Variants in EPB41L3 observed in about 807,000 individuals in gnomAD.
EPB41L3 encodes the protein band 4.1-like protein 3.
A neutral mutation model predicts 127.1 loss-of-function variants in EPB41L3; 57 were observed. That is an observed-to-expected ratio of 0.45 (90% CI 0.36 to 0.56). The LOEUF (loss-of-function observed/expected upper bound fraction) is 0.56, where lower values mean the gene tolerates loss of function less well. EPB41L3 is among the 20% of genes least tolerant of loss of function. The probability of loss-of-function intolerance (pLI) is 0.00; values close to 1 mark genes in which losing one functional copy is unlikely to be tolerated. For synonymous variants in EPB41L3, 572 were observed against 549.5 expected, an observed-to-expected ratio of 1.04 and a Z score of -0.57; for missense variants, 1,273 against 1,372.2, an observed-to-expected ratio of 0.93 and a Z score of 1.14.
At chr18:5,442,538 G>A (rs915886394) in intron 5 of EPB41L3, among the ~76,000 whole-genome samples, 2 of 152,050 alleles carry the variant, frequency 1.3e-5, no homozygotes, top group East Asian at 3.9e-4. Context: ...GATAGCTCAC[G>A]ACTTTCAAAG....
At position 5,451,988 on chromosome 18, in the gene EPB41L3, G is replaced by A. The variant is rs575226651; in HGVS notation, c.382-6744C>T. 2.3e-4 allele frequency among the ~76,000 whole-genome samples: 35 copies of A among 152,148 alleles called. 1 individual carries two copies. Among genetic ancestry groups the A allele is most frequent in the African/African-American group, 7.5e-4 (31 of 41,510 alleles). ...CAAGTAGCTGGGATTACACCTGCCCGCCACCACGTCTAGCTAATTTTTGTA... is the reference window on the plus strand; with the variant it reads ...CAAGTAGCTGGGATTACACCTGCCCACCACCACGTCTAGCTAATTTTTGTA... On this transcript the variant is annotated intron_variant, in intron 3 of 22. Coordinates refer to ENST00000341928, the MANE Select transcript of EPB41L3 (RefSeq NM_012307.5).
At chr18:5,453,473 C>A (rs531918812) in intron 3 of EPB41L3, among the ~76,000 whole-genome samples, 1 of 152,012 alleles carries the variant, frequency 6.6e-6, no homozygotes, top group East Asian at 1.9e-4. Flanking sequence ...TAGACAATAA[C>A]GTTGAAAAAT....
chr18:5,479,279 G>A (rs750079588), intron 2 of EPB41L3, among the ~76,000 whole-genome samples: 6 of 152,132 alleles, frequency 3.9e-5, no homozygotes, highest in Admixed American at 2.6e-4. Flanking sequence ...CTTGGGCTGC[G>A]CCACCACTGC....
chr18:5,575,283 T>C (rs1018796469), intron 3 of EPB41L3, among the ~76,000 whole-genome samples: 6 of 152,028 alleles, frequency 3.9e-5, no homozygotes, highest in Non-Finnish European at 7.4e-5. Context: ...AGATCTCAGG[T>C]TGAAATGTGA....
At chr18:5,593,592 T>C (rs1037714130) in intron 3 of EPB41L3, among the ~76,000 whole-genome samples, 1 of 152,160 alleles carries the variant, frequency 6.6e-6, no homozygotes, top group Non-Finnish European at 1.5e-5. Context: ...ACCATTGTCA[T>C]TGAAAACATC....
chr18:5,430,569 CTT>C (rs1186489409), intron 8 of EPB41L3, among the ~76,000 whole-genome samples: 1 of 134,884 alleles, frequency 7.4e-6, no homozygotes, highest in Non-Finnish European at 1.6e-5. Flanking sequence ...TTTTTTTTTT[CTT>C]TTTTTTTTTG....
intron 11 of EPB41L3, among the ~76,000 whole-genome samples, chr18:5,421,900 A>G (rs2077518152): frequency 6.6e-6 from 1 of 152,196 alleles, no homozygotes; most frequent in Non-Finnish European, 1.5e-5. Flanking sequence ...CAGGTGCACT[A>G]AAATCTCAGA....
chr18:5,559,860 G>T (rs1205984777), intron 3 of EPB41L3, among the ~76,000 whole-genome samples: 1 of 152,136 alleles, frequency 6.6e-6, no homozygotes, highest in Admixed American at 6.5e-5. Context: ...AGTTTTCCTA[G>T]TAGGACTAGA....
At chr18:5,588,204 G>C (rs913497614) in intron 3 of EPB41L3, among the ~76,000 whole-genome samples, 1 of 152,126 alleles carries the variant, frequency 6.6e-6, no homozygotes, top group East Asian at 1.9e-4. Flanking sequence ...ACAATAGTCA[G>C]TAAGAGCCAG....
intron 1 of EPB41L3, among the ~76,000 whole-genome samples, chr18:5,538,995 AT>A (rs757227800): frequency 0.067 from 7,657 of 115,120 alleles, 323 homozygotes; most frequent in African/African-American, 0.16. Context: ...TTTCTCCAAG[AT>A]TTTTTTTTTT....
At chr18:5,497,904 A>G (rs896024033) in intron 1 of EPB41L3, among the ~76,000 whole-genome samples, 1 of 152,188 alleles carries the variant, frequency 6.6e-6, no homozygotes, top group African/African-American at 2.4e-5. Flanking sequence ...GTACTTACAC[A>G]TTTGTTTCGA....
intron 1 of EPB41L3, among the ~76,000 whole-genome samples, chr18:5,524,963 A>G (rs2093164123): frequency 6.6e-6 from 1 of 152,212 alleles, no homozygotes; most frequent in South Asian, 2.1e-4. Flanking sequence ...AAAGATGCAC[A>G]CAATAAAAGC....
At chr18:5,559,565 C>A (rs139533128) in intron 3 of EPB41L3, among the ~76,000 whole-genome samples, 1,615 of 152,304 alleles carry the variant, frequency 0.011, 10 homozygotes, top group Middle Eastern at 0.037. Flanking sequence ...TATCCAATCA[C>A]CTTGGACACC....
chr18:5,484,632 A>T (rs2148134980), intron 2 of EPB41L3, among the ~76,000 whole-genome samples: 1 of 152,102 alleles, frequency 6.6e-6, no homozygotes, highest in South Asian at 2.1e-4. Flanking sequence ...CAAGTAAATA[A>T]AATCAGACAT....
chr18:5,489,956 T>G (rs1190675962), intron 1 of EPB41L3, among the ~76,000 whole-genome samples: 1 of 152,224 alleles, frequency 6.6e-6, no homozygotes, highest in Non-Finnish European at 1.5e-5. Flanking sequence ...ATACATCCTT[T>G]AAAAAGACCT....
At chr18:5,534,253 C>T (rs1423036438) in intron 1 of EPB41L3, among the ~76,000 whole-genome samples, 1 of 152,256 alleles carries the variant, frequency 6.6e-6, no homozygotes, top group African/African-American at 2.4e-5. Context: ...TTTTCTTCAA[C>T]CTTAGTACTA....
intron 1 of EPB41L3, among the ~76,000 whole-genome samples, chr18:5,537,668 C>T (rs992832223): frequency 2.6e-5 from 4 of 152,152 alleles, no homozygotes; most frequent in Non-Finnish European, 5.9e-5. Flanking sequence ...CTTAGATGCA[C>T]CTCCCATTAC....
chr18:5,424,237 A>G (rs1168207241), intron 10 of EPB41L3, 25 bp downstream of exon 10: 1 of 1,507,874 alleles, frequency 6.6e-7, no homozygotes, highest in Non-Finnish European at 8.9e-7. Flanking sequence ...TTCCTTAGGG[A>G]AAAAACAAAA....
At chr18:5,566,739 A>ATTCTATTCTATTCTT (rs2094205974) in intron 3 of EPB41L3, among the ~76,000 whole-genome samples, 4 of 117,628 alleles carry the variant, frequency 3.4e-5, no homozygotes, top group African/African-American at 1.4e-4. Context: ...ATTCTATTCT[A>ATTCTATTCTATTCTT]TTCTATTCTA....
Sources: gnomAD v4.1 joint callset for allele counts (sites outside exome capture counted in the v4.1 genomes callset) on GRCh38, gnomAD v4.1.1 for gene constraint, MANE v1.5 for transcripts, NCBI Gene and HGNC (gene_info 2026-07-23, HGNC 2026-07-21) for gene names.